PRDM10: variants seen among roughly 807,000 people sequenced by gnomAD.
PRDM10 encodes the protein PR domain zinc finger protein 10.
In PRDM10, 65 loss-of-function variants were observed where a neutral mutation model predicts 133.1. The ratio of observed to expected loss-of-function variants is 0.49; its 90% confidence interval spans 0.40 to 0.60. The LOEUF (loss-of-function observed/expected upper bound fraction) is 0.60, where lower values mean the gene tolerates loss of function less well. PRDM10 is among the 20% of genes least tolerant of loss of function. The pLI is 0.00. For missense variants in PRDM10, 1,137 were observed against 1,507.1 expected, an observed-to-expected ratio of 0.75 and a Z score of 4.07; for synonymous variants, 582 against 580.4, an observed-to-expected ratio of 1.00 and a Z score of -0.04.
Position 129,910,533 on chromosome 11 carries a change from T to TCTGCTGCTGCTGCTG in PRDM10, c.3091_3105dup (p.Gln1031_Gln1035dup). 1.2e-6 allele frequency: 2 copies of TCTGCTGCTGCTGCTG among 1,612,494 alleles called. No homozygotes were observed. Among genetic ancestry groups the TCTGCTGCTGCTGCTG allele is most frequent in the South Asian group, 2.2e-5 (2 of 90,948 alleles). ...AGGTACGTGTGCTGCACAGAGGAAT[T>TCTGCTGCTGCTGCTG]CTGCTGCTGCTGCTGCTGCTGCTGC... On this transcript the variant is annotated inframe_insertion, in exon 19 of 21. Transcript: ENST00000360871.
At position 129,902,141 on chromosome 11, in the gene PRDM10, A is replaced by T; in HGVS notation, c.*172T>A. On this transcript the variant is annotated 3_prime_UTR_variant, in exon 21 of 21. Transcript: ENST00000360871. ...ACCGAGGGTTTGAAGAGTCAATTTG[A>T]TAAAGATGACCTTGGCAAAATAAAC... 1 of 880,758 alleles carries T rather than the reference A, an allele frequency of 1.1e-6. No homozygotes were observed. Among genetic ancestry groups the T allele is most frequent in the Non-Finnish European group, 1.6e-6 (1 of 606,926 alleles). The allele number at this position is 880,758 out of a possible 1,614,324, so 54.6% of individuals were successfully genotyped here.
intron 1 of PRDM10, among the ~76,000 whole-genome samples, chr11:129,994,414 C>T (rs1343419424): frequency 1.4e-5 from 2 of 147,936 alleles, no homozygotes; most frequent in African/African-American, 2.5e-5. Context: ...TGCAGTGAGC[C>T]GAGATCGCAC....
rs1951360312 is a variant in PRDM10 at position 129,945,016 on chromosome 11, C to CA, written c.521-5dup. On this transcript the variant is annotated splice_polypyrimidine_tract_variant and splice_region_variant and intron_variant, in intron 5 of 20. Coordinates refer to ENST00000360871, the MANE Select transcript of PRDM10 (RefSeq NM_199437.2). This position sits in a 1 kb window ranked among gnomAD's most constrained non-coding sequence, Gnocchi z 4.2. ...GCGTTATTGCACTCCTCACACCCTGCAAAAGAGAGACAGTCTTGAAGAAAA... is the reference window on the plus strand; with the variant it reads ...GCGTTATTGCACTCCTCACACCCTGCAAAAAGAGAGACAGTCTTGAAGAAAA... 6.2e-7 allele frequency: 1 copy of CA among 1,609,304 alleles called. No homozygotes were observed. Among genetic ancestry groups the CA allele is most frequent in the South Asian group, 1.1e-5 (1 of 90,238 alleles).
intron 1 of PRDM10, among the ~76,000 whole-genome samples, chr11:129,968,277 A>G (rs1361282466): frequency 6.6e-6 from 1 of 152,208 alleles, no homozygotes; most frequent in Non-Finnish European, 1.5e-5. Context: ...ACCACATTCC[A>G]GACAATGCAC....
intron 4 of PRDM10, among the ~76,000 whole-genome samples, chr11:129,953,162 G>T (rs1033608386): frequency 2.0e-5 from 3 of 151,882 alleles, no homozygotes; most frequent in Non-Finnish European, 4.4e-5. Context: ...ATTTTTAGTT[G>T]AGATGGAGTT....
At chr11:129,931,566 A>ATT (rs1164067658) in intron 10 of PRDM10, among the ~76,000 whole-genome samples, 66 of 124,454 alleles carry the variant, frequency 5.3e-4, no homozygotes, top group Admixed American at 7.5e-4. Context: ...TTTTTATTTT[A>ATT]TTTTATTTTA....
At chr11:129,911,283 C>T (rs1036323209) in intron 18 of PRDM10, among the ~76,000 whole-genome samples, 7 of 152,200 alleles carry the variant, frequency 4.6e-5, no homozygotes, top group African/African-American at 1.7e-4. Context: ...GGTGAAGTAA[C>T]TTGCCTGTGT....
At chr11:129,999,941 A>G (rs2136014908) in intron 1 of PRDM10, among the ~76,000 whole-genome samples, 1 of 152,316 alleles carries the variant, frequency 6.6e-6, no homozygotes, top group East Asian at 1.9e-4. Context: ...GTTTGTACAA[A>G]TATTTTATAC....
intron 1 of PRDM10, among the ~76,000 whole-genome samples, chr11:129,980,225 C>T (rs1369872848): frequency 6.6e-6 from 1 of 152,168 alleles, no homozygotes; most frequent in Non-Finnish European, 1.5e-5. Context: ...AAACATGAAT[C>T]TACACAAAGA....
intron 2 of PRDM10, among the ~76,000 whole-genome samples, chr11:129,960,055 G>T (rs80203705): frequency 0.011 from 1,607 of 151,568 alleles, 27 homozygotes; most frequent in African/African-American, 0.037. Context: ...ACCATATTTG[G>T]TCCATACTGA....
rs112363640 is a variant in PRDM10 at position 129,930,923 on chromosome 11, A to T, written c.1530+93T>A. On this transcript the variant is annotated intron_variant, in intron 11 of 20. Coordinates refer to ENST00000360871, the MANE Select transcript of PRDM10 (RefSeq NM_199437.2). ...ACAGGCTAGATGCAAGATTTCAGAGAGGAAGGTGAATAGGTTAGAAAACCA... is the reference window on the plus strand; with the variant it reads ...ACAGGCTAGATGCAAGATTTCAGAGTGGAAGGTGAATAGGTTAGAAAACCA... 3.9e-5 allele frequency: 58 copies of T among 1,478,264 alleles called. No homozygotes were observed. The African/African-American group carries it at 6.9e-4, about 18-fold the overall frequency. 91.6% of individuals were successfully genotyped at this position (1,478,264 alleles called of 1,614,324 possible).
chr11:129,991,172 A>G (rs984403200), intron 1 of PRDM10, among the ~76,000 whole-genome samples: 5 of 152,216 alleles, frequency 3.3e-5, no homozygotes, highest in Non-Finnish European at 5.9e-5. Context: ...GTTAATAATT[A>G]TTTAAATTGT....
chr11:129,942,374 T>C, intron 7 of PRDM10, 52 bp downstream of exon 7: 1 of 1,554,436 alleles, frequency 6.4e-7, no homozygotes, highest in Admixed American at 1.9e-5. Flanking sequence ...CAAAAAGCCC[T>C]AAACAATCAC....
rs1425310845 is a variant in PRDM10, at chr11:129,902,516, C to T, written c.3268G>A (p.Gly1090Ser). The stretch of plus-strand genomic sequence containing the variant: ...TGACTTTCTGATAACACATAATGAC[C>T]CTAGAGGAAGAAGAAAAGGATCCTT... The part of the protein sequence containing the change: ...TTGQVKAVTS[G>S]HYVLSESQSE... The change falls in exon 21 of 21, where the codon GGT becomes AGT. Residue 1090 changes from glycine to serine, a missense_variant and splice_region_variant. Coordinates refer to ENST00000360871, the MANE Select transcript of PRDM10 (RefSeq NM_199437.2). 1.5e-5 allele frequency: 24 copies of T among 1,612,680 alleles called. No individual in the cohort carries two copies. In the Admixed American group the frequency reaches 3.8e-4, roughly 26 times the overall value.
intron 20 of PRDM10, among the ~76,000 whole-genome samples, chr11:129,903,751 C>T (rs1949920718): frequency 6.6e-6 from 1 of 152,084 alleles, no homozygotes; most frequent in Non-Finnish European, 1.5e-5. Context: ...GAGTTCACCC[C>T]CACCAGACAA....
rs547758029 is a variant in PRDM10 at position 129,935,007 on chromosome 11, G to T, written c.1157+94C>A. The stretch of plus-strand genomic sequence containing the variant: ...CCCACCTGGTTACCTATCTATACAT[G>T]ACACTCGGAGACACTCATTAGCTAG... On this transcript the variant is annotated intron_variant, in intron 9 of 20. Transcript: ENST00000360871. The T allele has an allele frequency of 9.3e-5, 100 of 1,069,564 alleles. No individual in the cohort carries two copies. In the African/African-American group the frequency reaches 1.3e-3, roughly 14 times the overall value. 66.3% of individuals were successfully genotyped at this position (1,069,564 alleles called of 1,614,324 possible).
At chr11:129,970,939 A>T (rs11221916) in intron 1 of PRDM10, among the ~76,000 whole-genome samples, 40,305 of 152,034 alleles carry the variant, frequency 0.27, 9,538 homozygotes, top group African/African-American at 0.6. Context: ...CACATCCTAA[A>T]GCTGACTAAA....
In PRDM10 at chr11:129,914,880, C is replaced by A. The variant is rs1414216040; in HGVS notation, c.2665G>T (p.Val889Leu). 6.2e-7 allele frequency: 1 copy of A among 1,614,192 alleles called. No homozygotes were observed. Among genetic ancestry groups the A allele is most frequent in the Admixed American group, 1.7e-5 (1 of 60,020 alleles). The change falls in exon 17 of 21, where the codon GTG becomes TTG. Residue 889 changes from valine to leucine, a missense_variant. Val to Leu is a conservative substitution (Grantham distance 32, BLOSUM62 1). Coordinates refer to ENST00000360871, the MANE Select transcript of PRDM10 (RefSeq NM_199437.2). ...TGGGTGAGCAGGTCCGTCGTCACCACAGTCTCTCCAGTGGCGCTGTCTGTA... is the reference window on the plus strand; with the variant it reads ...TGGGTGAGCAGGTCCGTCGTCACCAAAGTCTCTCCAGTGGCGCTGTCTGTA... ...LTTDSATGET[V>L]VTTDLLTQAM...
At chr11:130,002,403 G>C (rs1939469056) in intron 1 of PRDM10, among the ~76,000 whole-genome samples, 1 of 152,128 alleles carries the variant, frequency 6.6e-6, no homozygotes, top group South Asian at 2.1e-4. Flanking sequence ...GCGCCAGGAG[G>C]GCCTGCTGGA....
Sources: gnomAD v4.1 joint callset for allele counts (sites outside exome capture counted in the v4.1 genomes callset) on GRCh38, gnomAD v4.1.1 for gene constraint, Gnocchi (gnomAD v3.1) non-coding constraint, MANE v1.5 for transcripts, NCBI Gene and HGNC (gene_info 2026-07-23, HGNC 2026-07-21) for gene names.